PRKG1: variants seen among roughly 807,000 people sequenced by gnomAD.
PRKG1 encodes the protein protein kinase cGMP-dependent 1, also known as cGMP-dependent protein kinase 1.
PRKG1 carries 35 observed loss-of-function variants against 88.1 expected under a neutral mutation model. The ratio of observed to expected loss-of-function variants is 0.40; its 90% CI spans 0.30 to 0.53. The LOEUF is 0.53. Ranked by LOEUF, PRKG1 falls within the 20% of genes least tolerant of loss-of-function variation. The pLI, the probability that PRKG1 is intolerant of heterozygous loss-of-function variation, is 0.59. For synonymous variants in PRKG1, 303 were observed against 292.5 expected, an observed-to-expected ratio of 1.04 and a Z score of -0.37; for missense variants, 540 against 839.8, an observed-to-expected ratio of 0.64 and a Z score of 4.41.
At position 51,128,310 on chromosome 10, in the gene PRKG1, A is replaced by G. The variant is rs377168560; in HGVS notation, c.312-24854A>G. Among the ~76,000 whole-genome samples the G allele has an allele frequency of 3.3e-5, 5 of 152,298 alleles. No homozygotes were observed. In the East Asian group the frequency reaches 9.6e-4, roughly 29 times the overall value. ...TATAGCAAACTGTTCTCACACATGA[A>G]TTTGAACTTTAAGTGATTCCATATG... On this transcript the variant is annotated intron_variant, in intron 1 of 17. Coordinates refer to ENST00000373980, the MANE Select transcript of PRKG1 (RefSeq NM_006258.4).
intron 1 of PRKG1, among the ~76,000 whole-genome samples, chr10:51,013,876 A>G (rs1589106918): frequency 6.6e-6 from 1 of 152,342 alleles, no homozygotes; most frequent in African/African-American, 2.4e-5. Context: ...TAGTGAGGCT[A>G]TTCAACAACT....
intron 8 of PRKG1, among the ~76,000 whole-genome samples, chr10:52,154,037 G>A (rs1010029161): frequency 3.4e-4 from 51 of 151,886 alleles, no homozygotes; most frequent in African/African-American, 1.2e-3. Context: ...GAGCCACTGT[G>A]CCTGGCCTTC....
chr10:52,058,706 A>T (rs1846167014), intron 6 of PRKG1, among the ~76,000 whole-genome samples: 1 of 152,096 alleles, frequency 6.6e-6, no homozygotes, highest in Non-Finnish European at 1.5e-5. Flanking sequence ...ACATAAAGCT[A>T]TAAAACTTTC....
rs574663169 is a variant in PRKG1, at chr10:52,210,357, A to G, written c.1077-41213A>G. The stretch of plus-strand genomic sequence containing the variant: ...GCACTCCAACCTCTCCAGGACCGTC[A>G]CAGCTGCACCCTCCTATTCCTGTCA... On this transcript the variant is annotated intron_variant, in intron 9 of 17. Transcript: ENST00000373980. Among the ~76,000 whole-genome samples, 135 of 151,700 alleles carry G rather than the reference A, an allele frequency of 8.9e-4. 1 individual carries two copies. The highest frequency in any genetic ancestry group is 3.1e-3 in the African/African-American group (130 of 41,378).
intron 10 of PRKG1, among the ~76,000 whole-genome samples, chr10:52,265,023 A>C (rs1452982901): frequency 6.6e-6 from 1 of 152,086 alleles, no homozygotes; most frequent in East Asian, 1.9e-4. Context: ...CGTTTCTATA[A>C]GGTTAAATAT....
At chr10:52,221,089 C>G (rs998915583) in intron 9 of PRKG1, among the ~76,000 whole-genome samples, 1 of 151,952 alleles carries the variant, frequency 6.6e-6, no homozygotes, top group Admixed American at 6.6e-5. Flanking sequence ...TTAAAAATAG[C>G]CATTCTGACT....
chr10:51,158,420 G>A (rs927919235), intron 2 of PRKG1, among the ~76,000 whole-genome samples: 6 of 151,896 alleles, frequency 4.0e-5, no homozygotes, highest in Admixed American at 6.6e-5. Context: ...AGTTTATTAT[G>A]TATATTCAAA....
rs1838809529 is a variant in PRKG1, at chr10:51,607,935, G to C, written c.592+140099G>C. ...GTATTTAGCTGTTAAAATATCATTG[G>C]TTTTGTTTCCATTTCCAAATGATGT... On this transcript the variant is annotated intron_variant, in intron 3 of 17. Coordinates refer to ENST00000373980, the MANE Select transcript of PRKG1 (RefSeq NM_006258.4). Among the ~76,000 whole-genome samples the C allele has an allele frequency of 2.0e-5, 3 of 152,138 alleles. No homozygotes were observed. In the South Asian group the frequency reaches 6.2e-4, roughly 31 times the overall value.
At chr10:51,111,886 C>T (rs1464997014) in intron 1 of PRKG1, among the ~76,000 whole-genome samples, 1 of 152,118 alleles carries the variant, frequency 6.6e-6, no homozygotes, top group Non-Finnish European at 1.5e-5. Context: ...AAAGATCTTT[C>T]TTATAAAGCC....
At chr10:51,702,839 G>A (rs1021315454) in intron 3 of PRKG1, among the ~76,000 whole-genome samples, 6 of 152,034 alleles carry the variant, frequency 3.9e-5, no homozygotes, top group Non-Finnish European at 7.4e-5. Flanking sequence ...GACTACAGGC[G>A]TGTGCCACTA....
At chr10:51,512,212 A>G (rs1046110204) in intron 3 of PRKG1, among the ~76,000 whole-genome samples, 7 of 121,776 alleles carry the variant, frequency 5.7e-5, no homozygotes, top group African/African-American at 2.2e-4. Context: ...TTTTTATTAT[A>G]CTTTAAGTTT....
chr10:51,740,442 A>C, intron 3 of PRKG1, among the ~76,000 whole-genome samples: 1 of 152,168 alleles, frequency 6.6e-6, no homozygotes, highest in Non-Finnish European at 1.5e-5. Context: ...TCAACTTAAT[A>C]TTTTTCATTG....
At chr10:51,712,296 AG>A (rs1331676820) in intron 3 of PRKG1, among the ~76,000 whole-genome samples, 1 of 152,142 alleles carries the variant, frequency 6.6e-6, no homozygotes, top group African/African-American at 2.4e-5. Flanking sequence ...GACTTGCTTC[AG>A]GGGAAGATCA....
At chr10:51,027,928 T>C (rs938034777) in intron 1 of PRKG1, among the ~76,000 whole-genome samples, 1 of 152,206 alleles carries the variant, frequency 6.6e-6, no homozygotes, top group African/African-American at 2.4e-5. Flanking sequence ...AACAATCTCC[T>C]GGTTGTAATA....
chr10:51,198,052 T>C lies in PRKG1; in HGVS notation c.478+44722T>C, dbSNP rs538392495. 8.7e-4 allele frequency among the ~76,000 whole-genome samples: 132 copies of C among 152,198 alleles called. 1 individual carries two copies. The South Asian group carries it at 0.027, about 31-fold the overall frequency. On this transcript the variant is annotated intron_variant, in intron 2 of 17. Transcript: ENST00000373980. The stretch of plus-strand genomic sequence containing the variant: ...TTACCTTCATTTCAAATTTTGATTA[T>C]TTTGCTTTTATTATTTTGTTTATGA...
At chr10:51,488,529 C>A (rs1016696560) in intron 3 of PRKG1, among the ~76,000 whole-genome samples, 3 of 152,090 alleles carry the variant, frequency 2.0e-5, no homozygotes, top group African/African-American at 7.2e-5. Flanking sequence ...TAAACCAGCT[C>A]CGTAGTAGAC....
At chr10:51,113,397 T>C (rs1845025178) in intron 1 of PRKG1, among the ~76,000 whole-genome samples, 1 of 152,194 alleles carries the variant, frequency 6.6e-6, no homozygotes, top group Non-Finnish European at 1.5e-5. Context: ...CAGGGTGTTA[T>C]CTGTGAATAG....
At chr10:51,824,421 T>C (rs1839833028) in intron 4 of PRKG1, among the ~76,000 whole-genome samples, 1 of 152,182 alleles carries the variant, frequency 6.6e-6, no homozygotes, top group Non-Finnish European at 1.5e-5. Flanking sequence ...CATCTGGCTT[T>C]ATTTAAGTTT....
chr10:51,350,642 T>C (rs1231227067), intron 2 of PRKG1, among the ~76,000 whole-genome samples: 3 of 151,798 alleles, frequency 2.0e-5, no homozygotes, highest in Non-Finnish European at 4.4e-5. Context: ...AAATTATCCT[T>C]GTTTGCAGAT....
Sources: gnomAD v4.1 joint callset for allele counts (sites outside exome capture counted in the v4.1 genomes callset) on GRCh38, gnomAD v4.1.1 for gene constraint, MANE v1.5 for transcripts, NCBI Gene and HGNC (gene_info 2026-07-23, HGNC 2026-07-21) for gene names.